Variants in AMPD2 observed in about 807,000 individuals in gnomAD.
AMPD2 encodes the protein AMP deaminase 2.
AMPD2 carries 52 observed loss-of-function variants against 91.3 expected under a neutral mutation model. That is an observed-to-expected ratio of 0.57 (90% CI 0.46 to 0.72). The LOEUF (loss-of-function observed/expected upper bound fraction) is 0.72. Among genes scored for constraint, AMPD2 ranks in the 30% least tolerant of loss-of-function variants. The probability of loss-of-function intolerance (pLI) is 0.00; values close to 1 mark genes in which losing one functional copy is unlikely to be tolerated. For synonymous variants in AMPD2, 455 were observed against 456.4 expected, an observed-to-expected ratio of 1.00 and a Z score of 0.04; for missense variants, 822 against 1,122.3, an observed-to-expected ratio of 0.73 and a Z score of 3.82.
Position 109,621,433 on chromosome 1 carries a change from G to A in AMPD2, c.91+167G>A, listed in dbSNP as rs1366836771. ...CAGCCGGCTTGGAAGGTGGGGTGAG[G>A]GGTGGTGGGGGGCGGGGGGTGGATC... On this transcript the variant is annotated intron_variant, in intron 2 of 18. Coordinates refer to ENST00000528667, the MANE Select transcript of AMPD2 (RefSeq NM_001368809.2). The A allele has an allele frequency of 4.4e-6, 3 of 687,560 alleles. No homozygotes were observed. In the East Asian group the frequency reaches 8.7e-5, roughly 20 times the overall value. The allele number at this position is 687,560 out of a possible 1,614,324, so 42.6% of individuals were successfully genotyped here.
chr1:109,628,153 T>C lies in AMPD2; in HGVS notation c.1151T>C (p.Met384Thr). Reference protein sequence around the residue: ...KHLLRFIKRAMKRHLEEIVHV... With the variant: ...KHLLRFIKRATKRHLEEIVHV... ...CTGCTGCGCTTCATCAAGCGGGCAA[T>C]GAAGCGGCACCTGGAGGAGATCGTG... Residue 384 changes from methionine (M) to threonine (T), a missense_variant, in exon 11 of 19, where the codon ATG (methionine) becomes ACG (threonine). By Grantham distance (81) the Met-to-Thr change is moderately conservative. Around this residue, in one of 5 missense-constraint regions of AMPD2, gnomAD observed 430 missense variants for 606.0 expected, o/e 0.71. Coordinates refer to ENST00000528667, the MANE Select transcript of AMPD2 (RefSeq NM_001368809.2). This position sits in a 1 kb window ranked among gnomAD's most constrained non-coding sequence, Gnocchi z 7.1. 1 of 1,614,100 alleles carries C rather than the reference T, an allele frequency of 6.2e-7. No homozygotes were observed. Among genetic ancestry groups the C allele is most frequent in the Non-Finnish European group, 8.5e-7 (1 of 1,180,042 alleles).
At position 109,628,465 on chromosome 1, in the gene AMPD2, A is replaced by G; in HGVS notation, c.1377A>G (p.Val459=). The change falls in exon 12 of 19, where the codon GTA becomes GTG. Residue 459 remains valine, a synonymous_variant. Transcript: ENST00000528667. This position sits in a 1 kb window ranked among gnomAD's most constrained non-coding sequence, Gnocchi z 7.1. The part of the protein sequence containing the change: ...REIFIKTDNR[V]SGKYFAHIIK... ...TCTTCATCAAGACGGACAACAGGGT[A>G]TCTGGGAAGTACTTTGCTCACATCA... 2 of 1,613,194 alleles carry G rather than the reference A, an allele frequency of 1.2e-6. No homozygotes were observed. Among genetic ancestry groups the G allele is most frequent in the Non-Finnish European group, 1.7e-6 (2 of 1,180,014 alleles).
In AMPD2 at chr1:109,628,175, C is replaced by G. The variant is rs562274293; in HGVS notation, c.1173C>G (p.Ile391Met). 6 of 1,613,938 alleles carry G rather than the reference C, an allele frequency of 3.7e-6. No homozygotes were observed. Among genetic ancestry groups the G allele is most frequent in the African/African-American group, 1.3e-5 (1 of 74,930 alleles). The change falls in exon 11 of 19, where the codon ATC becomes ATG. Residue 391 changes from isoleucine (I) to methionine (M), a missense_variant. By Grantham distance (10) the Ile-to-Met change is conservative (BLOSUM62 1). Transcript: ENST00000528667. The surrounding 1 kb of genome is among the most constrained non-coding windows in gnomAD (Gnocchi z 7.1). Reference protein sequence around the residue: ...KRAMKRHLEEIVHVEQGREQT... With the variant: ...KRAMKRHLEEMVHVEQGREQT... ...CAATGAAGCGGCACCTGGAGGAGAT[C>G]GTGCACGTGGAGCAGGGCCGTGAAC...
chr1:109,622,735 G>A (rs1433506683), intron 2 of AMPD2, among the ~76,000 whole-genome samples: 1 of 152,100 alleles, frequency 6.6e-6, no homozygotes, highest in Admixed American at 6.5e-5. Context: ...CAGGATTGCT[G>A]TGGAGCCTGA....
chr1:109,628,907 G>A lies in AMPD2; in HGVS notation c.1571+101G>A. The stretch of plus-strand genomic sequence containing the variant: ...GGATGGCTGAGCCTCCCTTGTCCCT[G>A]CCAACCCCTCTGAGTGCAAGGAAGG... On this transcript the variant is annotated intron_variant, in intron 13 of 18. Transcript: ENST00000528667. This position sits in a 1 kb window ranked among gnomAD's most constrained non-coding sequence, Gnocchi z 7.1. The A allele has an allele frequency of 6.8e-7, 1 of 1,470,766 alleles. No homozygotes were observed. The allele number at this position is 1,470,766 out of a possible 1,614,324, so 91.1% of individuals were successfully genotyped here. A position where few individuals can be genotyped will look rare whatever the true frequency, so the allele number is the denominator to read the frequency against.
At position 109,624,405 on chromosome 1, in the gene AMPD2, T is replaced by C. The variant is rs1016255668; in HGVS notation, c.92-898T>C. Among the ~76,000 whole-genome samples the C allele has an allele frequency of 2.0e-5, 3 of 152,076 alleles. No homozygotes were observed. Among genetic ancestry groups the C allele is most frequent in the Admixed American group, 6.5e-5 (1 of 15,280 alleles). On this transcript the variant is annotated intron_variant, in intron 2 of 18. Coordinates refer to ENST00000528667, the MANE Select transcript of AMPD2 (RefSeq NM_001368809.2). This position sits in a 1 kb window ranked among gnomAD's most constrained non-coding sequence, Gnocchi z 5.2. The stretch of plus-strand genomic sequence containing the variant: ...AGGCTGGAAGCCTTGGCAGCCCCCA[T>C]AGACCAGCAGCTTCACGGCCCTCTG...
Position 109,630,072 on chromosome 1 carries a change from G to C in AMPD2, c.1983+156G>C, listed in dbSNP as rs539400587. Among the ~76,000 whole-genome samples the C allele has an allele frequency of 8.5e-4, 129 of 152,226 alleles. 1 individual carries two copies. Among genetic ancestry groups the C allele is most frequent in the African/African-American group, 2.6e-3 (109 of 41,550 alleles). On this transcript the variant is annotated intron_variant, in intron 16 of 18. Transcript: ENST00000528667. ...CTTCCCCACCCCAGCCTTCAGCCTG[G>C]GGCCCCAACTTGGATTTTGACTAAT...
At chr1:109,620,566 T>A (rs1650155589) in intron 1 of AMPD2, 1 of 1,252,380 alleles carries the variant, frequency 8.0e-7, no homozygotes, top group African/African-American at 1.6e-5. Flanking sequence ...GACAGGCCCC[T>A]CCCTCCTGGG....
chr1:109,622,824 A>G (rs758881414), intron 2 of AMPD2, among the ~76,000 whole-genome samples: 1 of 151,918 alleles, frequency 6.6e-6, no homozygotes, highest in Non-Finnish European at 1.5e-5. Flanking sequence ...CCAGCCATGG[A>G]GGTCTGTGGT....
Position 109,630,931 on chromosome 1 carries a change from C to G in AMPD2, c.2269-12C>G. The G allele has an allele frequency of 6.2e-7, 1 of 1,613,586 alleles. No individual in the cohort carries two copies. The highest frequency in any genetic ancestry group is 8.5e-7 in the Non-Finnish European group (1 of 1,179,712). Reference sequence around the variant, plus strand: ...TGGCTGCAGCCCTGCCCATTACCCCCGCTCCTTGCAGGTAAAGAGCCACTG... The same window carrying G: ...TGGCTGCAGCCCTGCCCATTACCCCGGCTCCTTGCAGGTAAAGAGCCACTG... On this transcript the variant is annotated splice_polypyrimidine_tract_variant and intron_variant, in intron 18 of 18. Transcript: ENST00000528667.
rs1286364774 is a variant in AMPD2, at chr1:109,619,880, G to A, written c.-661G>A. On this transcript the variant is annotated 5_prime_UTR_variant, in exon 1 of 19. Coordinates refer to ENST00000528667, the MANE Select transcript of AMPD2 (RefSeq NM_001368809.2). ...CGCGGAGCCGGCGAGATTTTGGTGG[G>A]GTCTCACCTGTTGCGTGACTCCCCC... 2 of 274,632 alleles carry A rather than the reference G, an allele frequency of 7.3e-6. No homozygotes were observed. Among genetic ancestry groups the A allele is most frequent in the Admixed American group, 5.2e-5 (1 of 19,250 alleles). The allele number at this position is 274,632 out of a possible 1,614,324, so 17.0% of individuals were successfully genotyped here.
chr1:109,629,086 C>G (rs1392037602), intron 13 of AMPD2, 23 bp from the exon 14 acceptor site: 1 of 1,611,972 alleles, frequency 6.2e-7, no homozygotes, highest in Non-Finnish European at 8.5e-7. Context: ...CTTGCACATA[C>G]CTGCATGTTG....
chr1:109,627,720 C>G (rs944113016), intron 9 of AMPD2, 54 bp from the exon 10 acceptor site: 110 of 1,603,942 alleles, frequency 6.9e-5, no homozygotes, highest in Non-Finnish European at 9.1e-5. Context: ...CCAAGCCCTC[C>G]CCAGGTGCCT....
Position 109,619,911 on chromosome 1 carries a change from C to G in AMPD2, c.-630C>G. On this transcript the variant is annotated 5_prime_UTR_variant, in exon 1 of 19. Transcript: ENST00000528667. Reference sequence around the variant, plus strand: ...ACCTGTTGCGTGACTCCCCCACAGTCCGGCCGCGGGAGTCCGACCCTGAAT... The same window carrying G: ...ACCTGTTGCGTGACTCCCCCACAGTGCGGCCGCGGGAGTCCGACCCTGAAT... 1 of 345,354 alleles carries G rather than the reference C, an allele frequency of 2.9e-6. No individual in the cohort carries two copies. Among genetic ancestry groups the G allele is most frequent in the Non-Finnish European group, 5.6e-6 (1 of 179,818 alleles). The allele number at this position is 345,354 out of a possible 1,614,324, so 21.4% of individuals were successfully genotyped here.
rs1337231852 is a variant in AMPD2 at position 109,624,206 on chromosome 1, C to T, written c.92-1097C>T. The T allele has an allele frequency of 1.3e-5, 6 of 460,260 alleles. No individual in the cohort carries two copies. Among genetic ancestry groups the T allele is most frequent in the Non-Finnish European group, 1.7e-5 (6 of 349,658 alleles). The allele number at this position is 460,260 out of a possible 1,614,324, so 28.5% of individuals were successfully genotyped here. A position where few individuals can be genotyped will look rare whatever the true frequency, so the allele number is the denominator to read the frequency against. On this transcript the variant is annotated intron_variant, in intron 2 of 18. Coordinates refer to ENST00000528667, the MANE Select transcript of AMPD2 (RefSeq NM_001368809.2). The surrounding 1 kb of genome is among the most constrained non-coding windows in gnomAD (Gnocchi z 5.2). ...CAGTCCTGGAGTATTGGGAAATGGG[C>T]GCAGAGACTTTAAGGCCGGCTACCT...
chr1:109,628,411 C>T lies in AMPD2; in HGVS notation c.1323C>T (p.Asn441=), dbSNP rs768693666. 8 of 1,613,982 alleles carry T rather than the reference C, an allele frequency of 5.0e-6. No individual in the cohort carries two copies. In the South Asian group the frequency reaches 7.7e-5, roughly 16 times the overall value. ...HRFDKFNAKY[N]PIGESVLREI... is the part of the protein sequence containing the mutation. ...TTGACAAGTTTAATGCCAAATACAA[C>T]CCTATTGGGGAGTCCGTCCTCCGAG... The change falls in exon 12 of 19, where the codon AAC becomes AAT. Residue 441 remains asparagine (N), a synonymous_variant. Coordinates refer to ENST00000528667, the MANE Select transcript of AMPD2 (RefSeq NM_001368809.2). This position sits in a 1 kb window ranked among gnomAD's most constrained non-coding sequence, Gnocchi z 7.1.
chr1:109,620,914 G>A lies in AMPD2; in HGVS notation c.-262G>A. On this transcript the variant is annotated splice_region_variant and 5_prime_UTR_variant, in exon 2 of 19. Transcript: ENST00000528667. ...CCACCCCCTCCCCGCCCCCCGCCAGGCCCAGCCACCATCAGTCACGTCACT... is the reference window on the plus strand; with the variant it reads ...CCACCCCCTCCCCGCCCCCCGCCAGACCCAGCCACCATCAGTCACGTCACT... 1 of 1,480,476 alleles carries A rather than the reference G, an allele frequency of 6.8e-7. No homozygotes were observed. Among genetic ancestry groups the A allele is most frequent in the Non-Finnish European group, 9.0e-7 (1 of 1,113,960 alleles). The allele number at this position is 1,480,476 out of a possible 1,614,324, so 91.7% of individuals were successfully genotyped here.
In AMPD2 at chr1:109,621,147, C is replaced by A. The variant is rs1422522142; in HGVS notation, c.-29C>A. The stretch of plus-strand genomic sequence containing the variant: ...GGCCCCAGCCGGTGCCGCTCAGACT[C>A]CCCCGCTGTCGCCGCCGTGGTCCCA... On this transcript the variant is annotated 5_prime_UTR_variant, in exon 2 of 19. Coordinates refer to ENST00000528667, the MANE Select transcript of AMPD2 (RefSeq NM_001368809.2). 1.9e-6 allele frequency: 3 copies of A among 1,596,612 alleles called. No homozygotes were observed. Among genetic ancestry groups the A allele is most frequent in the Admixed American group, 1.7e-5 (1 of 58,466 alleles).
Position 109,624,896 on chromosome 1 carries a change from C to G in AMPD2, c.92-407C>G, listed in dbSNP as rs1650519047. 6.6e-6 allele frequency among the ~76,000 whole-genome samples: 1 copy of G among 152,140 alleles called. No homozygotes were observed. The highest frequency in any genetic ancestry group is 1.5e-5 in the Non-Finnish European group (1 of 68,000). On this transcript the variant is annotated intron_variant, in intron 2 of 18. Transcript: ENST00000528667. The surrounding 1 kb of genome is among the most constrained non-coding windows in gnomAD (Gnocchi z 5.2). ...GGGTCCCTGGTGTGGCCGCCTGGTCCTTACCAAGCACCTGGTGTGTGTCTC... is the reference window on the plus strand; with the variant it reads ...GGGTCCCTGGTGTGGCCGCCTGGTCGTTACCAAGCACCTGGTGTGTGTCTC...
Sources: gnomAD v4.1 joint callset for allele counts (sites outside exome capture counted in the v4.1 genomes callset) on GRCh38, gnomAD v4.1.1 for gene constraint, gnomAD v4.1.1 regional missense constraint, Gnocchi (gnomAD v3.1) non-coding constraint, MANE v1.5 for transcripts, NCBI Gene and HGNC (gene_info 2026-07-23, HGNC 2026-07-21) for gene names.